ZNF469: variants seen among roughly 807,000 people sequenced by gnomAD.
ZNF469 encodes zinc finger protein 469.
In ZNF469, 1 loss-of-function variant was observed where a neutral mutation model predicts 1.0. The observed-to-expected ratio is 1.00, with a 90% CI of 0.35 to 4.73. ZNF469 has a LOEUF of 4.73. Among genes scored for constraint, ZNF469 ranks in the 30% most tolerant of loss-of-function variants. The pLI is 0.16. For synonymous variants in ZNF469, 2,703 were observed against 2,363.4 expected, an observed-to-expected ratio of 1.14 and a Z score of -4.17; for missense variants, 6,100 against 5,356.3, an observed-to-expected ratio of 1.14 and a Z score of -4.33.
the ZNF469 span, among the ~76,000 whole-genome samples, chr16:88,206,668 C>A: frequency 0.015 from 2,283 of 151,716 alleles, 55 homozygotes; most frequent in African/African-American, 0.053. Flanking sequence ...TGGAACCCTG[C>A]GTCTTTCTTT....
At chr16:88,184,640 C>A in the ZNF469 span, among the ~76,000 whole-genome samples, 1 of 152,008 alleles carries the variant, frequency 6.6e-6, no homozygotes, top group African/African-American at 2.4e-5. Flanking sequence ...GTGAGTAGCA[C>A]CGCTGTCGCC....
chr16:88,436,563 G>A lies in ZNF469; in HGVS notation c.9093G>A (p.Gly3031=), dbSNP rs1906592601. 2 of 1,549,686 alleles carry A rather than the reference G, an allele frequency of 1.3e-6. No homozygotes were observed. The highest frequency in any genetic ancestry group is 1.2e-5 in the South Asian group (1 of 84,060). ...PSLERERCDG[G]LPGNTHLLPL... ...TGGAGAGAGAACGCTGTGACGGTGGGCTTCCCGGGAACACCCACCTGCTGC... is the reference window on the plus strand; with the variant it reads ...TGGAGAGAGAACGCTGTGACGGTGGACTTCCCGGGAACACCCACCTGCTGC... The change falls in exon 3 of 3, where the codon GGG becomes GGA. Residue 3031 remains glycine, a synonymous_variant. Coordinates refer to ENST00000565624, the MANE Select transcript of ZNF469 (RefSeq NM_001367624.2).
At chr16:88,332,470 C>T in the ZNF469 span, among the ~76,000 whole-genome samples, 1 of 152,252 alleles carries the variant, frequency 6.6e-6, no homozygotes, top group African/African-American at 2.4e-5. Flanking sequence ...ACAGCCTTGC[C>T]GCTGGCCCTG....
the ZNF469 span, among the ~76,000 whole-genome samples, chr16:88,286,450 C>T: frequency 5.3e-5 from 8 of 152,234 alleles, no homozygotes; most frequent in Admixed American, 2.0e-4. Flanking sequence ...CCCATCTGAA[C>T]GCCGGGTATT....
At chr16:88,338,026 G>A in the ZNF469 span, among the ~76,000 whole-genome samples, 1 of 152,166 alleles carries the variant, frequency 6.6e-6, no homozygotes, top group Admixed American at 6.5e-5. Flanking sequence ...TGGTTGCTGT[G>A]CTTTCGGTGA....
chr16:88,156,753 C>G, the ZNF469 span, among the ~76,000 whole-genome samples: 2 of 152,072 alleles, frequency 1.3e-5, no homozygotes, highest in African/African-American at 2.4e-5. Context: ...ACTTGAGGTG[C>G]TGCTGGGGGC....
the ZNF469 span, among the ~76,000 whole-genome samples, chr16:88,367,256 C>A: frequency 6.6e-6 from 1 of 152,316 alleles, no homozygotes; most frequent in Admixed American, 6.5e-5. Context: ...TGTTGGTCCC[C>A]ACGCTCTCAT....
At chr16:88,197,501 C>T in the ZNF469 span, among the ~76,000 whole-genome samples, 2 of 152,218 alleles carry the variant, frequency 1.3e-5, no homozygotes, top group Non-Finnish European at 2.9e-5. Context: ...GAATGTGGGC[C>T]AAGGAATTGG....
At chr16:88,295,978 C>T in the ZNF469 span, among the ~76,000 whole-genome samples, 19 of 152,226 alleles carry the variant, frequency 1.2e-4, no homozygotes, top group African/African-American at 4.6e-4. Flanking sequence ...GCTTGGATGT[C>T]GCGCCATCCC....
chr16:88,161,225 A>G, the ZNF469 span, among the ~76,000 whole-genome samples: 1 of 151,920 alleles, frequency 6.6e-6, no homozygotes, highest in East Asian at 1.9e-4. Flanking sequence ...ACACTGATTT[A>G]TCTTTACAAA....
chr16:88,401,939 CGTGGGTG>C (rs1904888892), intron 1 of ZNF469, among the ~76,000 whole-genome samples: 1 of 16,094 alleles, frequency 6.2e-5, no homozygotes, highest in Non-Finnish European at 1.3e-4. Context: ...TGGATAGATA[CGTGGGTG>C]GATGGGAAGA....
chr16:88,180,839 T>C, the ZNF469 span, among the ~76,000 whole-genome samples: 1 of 152,178 alleles, frequency 6.6e-6, no homozygotes, highest in African/African-American at 2.4e-5. Flanking sequence ...GTTGTAAATA[T>C]GCTTGCACCT....
chr16:88,306,590 CAGCCTGAAGCCCCATGACT>C, the ZNF469 span, among the ~76,000 whole-genome samples: 1 of 152,218 alleles, frequency 6.6e-6, no homozygotes, highest in South Asian at 2.1e-4. Flanking sequence ...CCAGCACCAA[CAGCCTGAAGCCCCATGACT>C]AGCCTGAAGC....
At chr16:88,144,531 C>G in the ZNF469 span, among the ~76,000 whole-genome samples, 6 of 152,198 alleles carry the variant, frequency 3.9e-5, no homozygotes, top group Admixed American at 3.3e-4. Context: ...CTCTTTGAGG[C>G]ACATTTTTCT....
the ZNF469 span, among the ~76,000 whole-genome samples, chr16:88,363,824 C>T: frequency 2.0e-5 from 3 of 152,306 alleles, no homozygotes; most frequent in African/African-American, 7.2e-5. Context: ...TCTCCAGCAC[C>T]TCTGAGTCGT....
Position 88,429,161 on chromosome 16 carries a change from G to C in ZNF469, c.1691G>C (p.Gly564Ala). The C allele has an allele frequency of 6.5e-7, 1 of 1,549,912 alleles. No individual in the cohort carries two copies. The highest frequency in any genetic ancestry group is 1.2e-5 in the South Asian group (1 of 84,066). Residue 564 changes from glycine (G) to alanine (A), a missense_variant, in exon 3 of 3, where the codon GGG (glycine) becomes GCG (alanine). Physicochemically the swap from Gly to Ala is moderately conservative, Grantham distance 60. Coordinates refer to ENST00000565624, the MANE Select transcript of ZNF469 (RefSeq NM_001367624.2). ...CCTGGGGCTCAGCCCCTGTTCTTCG[G>C]GGTGGCCCAGCCCCAGGTTTCACCC... ...TDPGAQPLFFGVAQPQVSPHG... is the reference protein window; with the variant it reads ...TDPGAQPLFFAVAQPQVSPHG...
At chr16:88,405,302 G>A (rs1371398508) in intron 1 of ZNF469, among the ~76,000 whole-genome samples, 7 of 152,148 alleles carry the variant, frequency 4.6e-5, no homozygotes, top group Admixed American at 3.9e-4. Context: ...CTGGGCTACC[G>A]CTGTGGTTTG....
chr16:88,259,527 TG>T, the ZNF469 span, among the ~76,000 whole-genome samples: 1 of 152,188 alleles, frequency 6.6e-6, no homozygotes, highest in Non-Finnish European at 1.5e-5. This position sits in a 1 kb window ranked among gnomAD's most constrained non-coding sequence, Gnocchi z 4.1. Flanking sequence ...GGAAATACTC[TG>T]GGAACTCTCC....
the ZNF469 span, among the ~76,000 whole-genome samples, chr16:88,140,246 G>C: frequency 1.3e-5 from 2 of 151,458 alleles, no homozygotes; most frequent in African/African-American, 2.5e-5. Flanking sequence ...AGCTGTAAGA[G>C]AGCTGGTAAG....
Sources: allele counts gnomAD v4.1 joint callset (sites outside exome capture counted in the v4.1 genomes callset), GRCh38; gene constraint gnomAD v4.1.1; non-coding constraint Gnocchi (gnomAD v3.1); transcripts MANE v1.5; gene names NCBI Gene and HGNC (gene_info 2026-07-23, HGNC 2026-07-21).